The following TACR1 variants were observed in gnomAD, a reference collection of about 807,000 sequenced individuals.
TACR1 encodes the protein tachykinin receptor 1.
In TACR1, 25 loss-of-function variants were observed where a neutral mutation model predicts 35.8. The ratio of observed to expected loss-of-function variants is 0.70; its 90% confidence interval spans 0.51 to 0.98. TACR1 has a LOEUF of 0.98. TACR1 is among the 50% of genes least tolerant of loss of function. The pLI is 0.00. For synonymous variants in TACR1, 195 were observed against 206.7 expected (o/e 0.94, Z 0.48); for missense variants, 478 against 522.9 (o/e 0.91, Z 0.84).
At chr2:75,151,234 A>T (rs1167397736) in intron 1 of TACR1, among the ~76,000 whole-genome samples, 3 of 152,232 alleles carry the variant, frequency 2.0e-5, no homozygotes, top group African/African-American at 2.4e-5. Flanking sequence ...CCTAATGTTA[A>T]TCCCCAAGAC....
At chr2:75,085,497 A>G (rs1413066536) in intron 2 of TACR1, among the ~76,000 whole-genome samples, 1 of 152,246 alleles carries the variant, frequency 6.6e-6, no homozygotes, top group Non-Finnish European at 1.5e-5. Context: ...CCAATCTTGC[A>G]AAAGATTGTT....
intron 2 of TACR1, among the ~76,000 whole-genome samples, chr2:75,101,047 A>C (rs186721376): frequency 6.6e-6 from 1 of 152,206 alleles, no homozygotes; most frequent in Admixed American, 6.5e-5. Flanking sequence ...CTGTATTAAA[A>C]AAAAAAAGAA....
intron 2 of TACR1, among the ~76,000 whole-genome samples, chr2:75,105,193 T>C (rs1673614456): frequency 6.6e-6 from 1 of 152,110 alleles, no homozygotes. Flanking sequence ...CAATGGAATA[T>C]GATTCAGCTT....
At chr2:75,178,473 C>T (rs937810234) in intron 1 of TACR1, among the ~76,000 whole-genome samples, 1 of 152,108 alleles carries the variant, frequency 6.6e-6, no homozygotes. Flanking sequence ...GCGTGAGCCA[C>T]TGCACCTGAC....
intron 2 of TACR1, among the ~76,000 whole-genome samples, chr2:75,071,511 G>A (rs1672881369): frequency 6.6e-6 from 1 of 152,206 alleles, no homozygotes; most frequent in African/African-American, 2.4e-5. Flanking sequence ...GCCTTGTGCA[G>A]TTCTTCATTT....
At position 75,081,898 on chromosome 2, in the gene TACR1, CTTTT is replaced by C. The variant is rs573484307; in HGVS notation, c.585-28147_585-28144del. 2.3e-3 allele frequency among the ~76,000 whole-genome samples: 305 copies of C among 133,394 alleles called. 1 individual carries two copies. Among genetic ancestry groups the C allele is most frequent in the African/African-American group, 7.8e-3 (290 of 37,362 alleles). 87.5% of individuals were successfully genotyped at this position (133,394 alleles called of 152,430 possible). On this transcript the variant is annotated intron_variant, in intron 2 of 4. Transcript: ENST00000305249. The stretch of plus-strand genomic sequence containing the variant: ...TTGTAGAAGGGAGAAACCAACATTT[CTTTT>C]TTTTTTTTTTAAATATATATATGTA...
chr2:75,125,719 T>C lies in TACR1; in HGVS notation c.390-4951A>G, dbSNP rs187160806. Among the ~76,000 whole-genome samples, 35 of 152,338 alleles carry C rather than the reference T, an allele frequency of 2.3e-4. No homozygotes were observed. The East Asian group carries it at 6.0e-3, about 26-fold the overall frequency. ...AGTCTCAACACATGTAAGACTGTTATGTGAGAATAATTATTGCTCAAAGTG... is the reference window on the plus strand; with the variant it reads ...AGTCTCAACACATGTAAGACTGTTACGTGAGAATAATTATTGCTCAAAGTG... On this transcript the variant is annotated intron_variant, in intron 1 of 4. Coordinates refer to ENST00000305249, the MANE Select transcript of TACR1 (RefSeq NM_001058.4).
intron 2 of TACR1, among the ~76,000 whole-genome samples, chr2:75,085,637 T>C (rs1673175411): frequency 6.6e-6 from 1 of 152,140 alleles, no homozygotes; most frequent in Non-Finnish European, 1.5e-5. Flanking sequence ...AGCTGTTGGG[T>C]TGGGAAGGAA....
At chr2:75,084,936 G>A (rs1472037828) in intron 2 of TACR1, among the ~76,000 whole-genome samples, 2 of 151,882 alleles carry the variant, frequency 1.3e-5, no homozygotes, top group Non-Finnish European at 2.9e-5. Flanking sequence ...CTTCAGTTCC[G>A]CTCTGATCTT....
chr2:75,083,911 C>T (rs1025460140), intron 2 of TACR1, among the ~76,000 whole-genome samples: 9 of 151,970 alleles, frequency 5.9e-5, no homozygotes, highest in African/African-American at 2.2e-4. Flanking sequence ...AATTGAATAC[C>T]CTTTATTTCT....
intron 2 of TACR1, among the ~76,000 whole-genome samples, chr2:75,119,794 G>A (rs1475368579): frequency 2.6e-5 from 4 of 152,176 alleles, no homozygotes; most frequent in South Asian, 2.1e-4. Flanking sequence ...GGGTGTAGGT[G>A]TATTGTTTTG....
At chr2:75,119,550 C>T (rs1376911426) in intron 2 of TACR1, among the ~76,000 whole-genome samples, 2 of 152,190 alleles carry the variant, frequency 1.3e-5, no homozygotes, top group East Asian at 3.9e-4. Flanking sequence ...CATTGTGGCT[C>T]ACTTGAGCAG....
At chr2:75,137,630 G>A (rs1674321005) in intron 1 of TACR1, among the ~76,000 whole-genome samples, 2 of 145,840 alleles carry the variant, frequency 1.4e-5, no homozygotes, top group Middle Eastern at 3.5e-3. Context: ...TTGGAAGGCT[G>A]AGGCAGGAGA....
intron 1 of TACR1, among the ~76,000 whole-genome samples, chr2:75,194,860 C>T (rs1274599728): frequency 6.6e-6 from 1 of 152,204 alleles, no homozygotes; most frequent in African/African-American, 2.4e-5. Context: ...CTCGCTGTTG[C>T]TCCTGTTGCT....
intron 1 of TACR1, among the ~76,000 whole-genome samples, chr2:75,153,057 A>C (rs978881201): frequency 2.0e-5 from 3 of 152,156 alleles, no homozygotes; most frequent in South Asian, 2.1e-4. Flanking sequence ...GTGCACCACC[A>C]CGCCTGGCTA....
At chr2:75,195,115 T>A (rs1047540368) in intron 1 of TACR1, among the ~76,000 whole-genome samples, 1 of 152,168 alleles carries the variant, frequency 6.6e-6, no homozygotes, top group Non-Finnish European at 1.5e-5. Flanking sequence ...ACATCATACA[T>A]ACCTTTTAGT....
At chr2:75,106,967 CTTAAG>C (rs1391515976) in intron 2 of TACR1, among the ~76,000 whole-genome samples, 3 of 151,476 alleles carry the variant, frequency 2.0e-5, no homozygotes, top group Non-Finnish European at 4.4e-5. Context: ...AAAAAAGAAT[CTTAAG>C]TTATGAACCG....
intron 1 of TACR1, among the ~76,000 whole-genome samples, chr2:75,172,392 G>A (rs893264873): frequency 3.3e-5 from 5 of 152,182 alleles, no homozygotes; most frequent in Admixed American, 3.3e-4. Flanking sequence ...TTCTCTGTAA[G>A]AAAGAATAGT....
intron 1 of TACR1, chr2:75,188,370 A>G (rs535117514): frequency 1.3e-5 from 2 of 152,342 alleles, no homozygotes; most frequent in South Asian, 2.1e-4. Context: ...GTGCCACTCA[A>G]TGTGCACATG....
Sources: gnomAD v4.1 joint callset for allele counts (sites outside exome capture counted in the v4.1 genomes callset) on GRCh38, gnomAD v4.1.1 for gene constraint, MANE v1.5 for transcripts, NCBI Gene and HGNC (gene_info 2026-07-23, HGNC 2026-07-21) for gene names.